Variants in IMMP2L observed in about 807,000 individuals in gnomAD.
IMMP2L encodes the protein inner mitochondrial membrane peptidase subunit 2.
A neutral mutation model predicts 19.3 loss-of-function variants in IMMP2L; 18 were observed. The observed-to-expected ratio is 0.93, with a 90% CI of 0.64 to 1.38. The LOEUF (loss-of-function observed/expected upper bound fraction) is 1.38. Ranked by LOEUF, IMMP2L falls within the 40% of genes most tolerant of loss-of-function variation. The pLI, the probability that IMMP2L is intolerant of heterozygous loss-of-function variation, is 0.00. For synonymous variants in IMMP2L, 76 were observed against 73.0 expected, an observed-to-expected ratio of 1.04 and a Z score of -0.21; for missense variants, 233 against 218.2, an observed-to-expected ratio of 1.07 and a Z score of -0.43.
At chr7:110,734,528 T>G (rs1030657303) in intron 5 of IMMP2L, among the ~76,000 whole-genome samples, 2 of 152,180 alleles carry the variant, frequency 1.3e-5, no homozygotes, top group Non-Finnish European at 2.9e-5. Context: ...AGATGCAATT[T>G]ATAATCTAAA....
chr7:111,252,147 T>G (rs531620735), intron 3 of IMMP2L, among the ~76,000 whole-genome samples: 1 of 150,026 alleles, frequency 6.7e-6, no homozygotes, highest in African/African-American at 2.4e-5. Flanking sequence ...AAAAAAAAAG[T>G]CCCCTTCTTT....
chr7:110,848,669 C>T (rs10245552), intron 5 of IMMP2L, among the ~76,000 whole-genome samples: 7,051 of 152,124 alleles, frequency 0.046, 521 homozygotes, highest in African/African-American at 0.16. Context: ...TGTCTTTCAG[C>T]AGGTAAATGG....
At chr7:111,017,886 T>C (rs1322415164) in intron 3 of IMMP2L, among the ~76,000 whole-genome samples, 1 of 152,182 alleles carries the variant, frequency 6.6e-6, no homozygotes, top group Non-Finnish European at 1.5e-5. Flanking sequence ...CTCCTAACTT[T>C]ATAAAAATAA....
chr7:110,844,724 A>G (rs529776532), intron 5 of IMMP2L, among the ~76,000 whole-genome samples: 2 of 57,792 alleles, frequency 3.5e-5, no homozygotes, highest in Admixed American at 1.7e-4. Flanking sequence ...CCAGAAGGAG[A>G]GATGGTGAAG....
chr7:111,485,794 A>G (rs1404373349), intron 3 of IMMP2L, among the ~76,000 whole-genome samples: 2 of 151,900 alleles, frequency 1.3e-5, no homozygotes, highest in Non-Finnish European at 1.5e-5. Context: ...TTATGGACCC[A>G]TGCAACCCTG....
chr7:111,161,784 G>C (rs930771013), intron 3 of IMMP2L, among the ~76,000 whole-genome samples: 3 of 151,876 alleles, frequency 2.0e-5, no homozygotes, highest in African/African-American at 7.2e-5. Context: ...TATCTACAAG[G>C]TTTTTGATCC....
At chr7:111,325,998 C>G (rs1231574599) in intron 3 of IMMP2L, among the ~76,000 whole-genome samples, 1 of 151,654 alleles carries the variant, frequency 6.6e-6, no homozygotes, top group Admixed American at 6.6e-5. Context: ...TAATTTATTA[C>G]TGCTTGAAGT....
rs149026105 is a variant in IMMP2L, at chr7:110,999,404, T to G, written c.240-35839A>C. On this transcript the variant is annotated intron_variant, in intron 3 of 5. Transcript: ENST00000405709. Reference sequence around the variant, plus strand: ...CTTTATAGCTTTTCTCCCCCATATTTTTTTCTGTTTGTCTTCTTGCTCTAT... The same window carrying G: ...CTTTATAGCTTTTCTCCCCCATATTGTTTTCTGTTTGTCTTCTTGCTCTAT... Among the ~76,000 whole-genome samples the G allele has an allele frequency of 1.8e-4, 28 of 151,810 alleles. 1 individual carries two copies. In the East Asian group the frequency reaches 3.7e-3, roughly 20 times the overall value.
chr7:111,453,382 A>G (rs1839395838), intron 3 of IMMP2L, among the ~76,000 whole-genome samples: 1 of 152,032 alleles, frequency 6.6e-6, no homozygotes, highest in Non-Finnish European at 1.5e-5. Flanking sequence ...CCCTCTTCTG[A>G]TTTTCCACTG....
At chr7:111,034,300 G>C (rs1251133604) in intron 3 of IMMP2L, among the ~76,000 whole-genome samples, 1 of 152,042 alleles carries the variant, frequency 6.6e-6, no homozygotes, top group Non-Finnish European at 1.5e-5. Flanking sequence ...AGTAAAAAAA[G>C]ACAGACATGT....
At chr7:110,975,090 T>C (rs1400648063) in intron 3 of IMMP2L, among the ~76,000 whole-genome samples, 1 of 152,136 alleles carries the variant, frequency 6.6e-6, no homozygotes, top group African/African-American at 2.4e-5. Flanking sequence ...CTATTCATAG[T>C]TACACTGATC....
At chr7:111,317,211 C>T (rs978253883) in intron 3 of IMMP2L, among the ~76,000 whole-genome samples, 1 of 152,036 alleles carries the variant, frequency 6.6e-6, no homozygotes, top group Non-Finnish European at 1.5e-5. Flanking sequence ...TTATCCAGGC[C>T]TCTGACTTTA....
chr7:111,131,952 C>A (rs1333625516), intron 3 of IMMP2L, among the ~76,000 whole-genome samples: 2 of 151,752 alleles, frequency 1.3e-5, no homozygotes, highest in African/African-American at 2.4e-5. Flanking sequence ...TAACTCACAA[C>A]AATAACTAAT....
Position 111,414,512 on chromosome 7 carries a change from C to T in IMMP2L, c.239+72726G>A, listed in dbSNP as rs188460947. 3.3e-5 allele frequency among the ~76,000 whole-genome samples: 5 copies of T among 151,744 alleles called. No individual in the cohort carries two copies. The East Asian group carries it at 9.7e-4, about 29-fold the overall frequency. On this transcript the variant is annotated intron_variant, in intron 3 of 5. Transcript: ENST00000405709. ...AAAGAACAGTAGTAGGAGTAATGGG[C>T]AGGAGGAAGATAGAGATGAATAGGT...
intron 5 of IMMP2L, among the ~76,000 whole-genome samples, chr7:110,721,706 G>A (rs773627815): frequency 6.2e-4 from 94 of 152,068 alleles, no homozygotes; most frequent in Non-Finnish European, 1.1e-3. Flanking sequence ...GGAAATCTTT[G>A]CTACTAAACA....
At chr7:111,236,239 A>G (rs1016050275) in intron 3 of IMMP2L, among the ~76,000 whole-genome samples, 3 of 151,990 alleles carry the variant, frequency 2.0e-5, no homozygotes, top group African/African-American at 7.2e-5. Flanking sequence ...GCTTCCAAAC[A>G]TGATTTTCAC....
At chr7:111,066,378 ATAAT>A (rs1411785771) in intron 3 of IMMP2L, among the ~76,000 whole-genome samples, 4 of 152,314 alleles carry the variant, frequency 2.6e-5, no homozygotes, top group African/African-American at 9.6e-5. Context: ...TGAACAAAGA[ATAAT>A]TAAAGGAATG....
In IMMP2L at chr7:110,980,993, T is replaced by C. The variant is rs183549952; in HGVS notation, c.240-17428A>G. ...AGTAGTTGTCCTGAACTACATTGTT[T>C]TTAAGCAATAAAATCTTCCAAAAAG... is the stretch of plus-strand genomic sequence containing the variant. On this transcript the variant is annotated intron_variant, in intron 3 of 5. Transcript: ENST00000405709. Among the ~76,000 whole-genome samples the C allele has an allele frequency of 2.9e-4, 44 of 152,342 alleles. No homozygotes were observed. The East Asian group carries it at 8.3e-3, about 29-fold the overall frequency.
intron 5 of IMMP2L, among the ~76,000 whole-genome samples, chr7:110,726,485 T>C (rs1795892285): frequency 6.6e-6 from 1 of 152,200 alleles, no homozygotes; most frequent in African/African-American, 2.4e-5. Context: ...TGTAAGGCCA[T>C]ATGTTGAATT....
Sources: allele counts gnomAD v4.1 joint callset (sites outside exome capture counted in the v4.1 genomes callset), GRCh38; gene constraint gnomAD v4.1.1; transcripts MANE v1.5; gene names NCBI Gene and HGNC (gene_info 2026-07-23, HGNC 2026-07-21).